Variants in THADA observed in about 807,000 individuals in gnomAD.
The protein encoded by THADA is tRNA (32-2'-O)-methyltransferase regulator THADA.
A neutral mutation model predicts 219.8 loss-of-function variants in THADA; 213 were observed. The ratio of observed to expected loss-of-function variants is 0.97; its 90% CI spans 0.87 to 1.09. The LOEUF is 1.09. Ranked by LOEUF, THADA falls within the 50% of genes least tolerant of loss-of-function variation. The pLI is 0.00. For missense variants in THADA, 2,956 were observed against 2,311.3 expected (o/e 1.28, Z -5.72); for synonymous variants, 1,018 against 828.9 (o/e 1.23, Z -3.92).
intron 20 of THADA, among the ~76,000 whole-genome samples, chr2:43,543,670 CTTCTT>C (rs1389469924): frequency 3.9e-4 from 60 of 152,302 alleles, no homozygotes; most frequent in Non-Finnish European, 6.3e-4. Context: ...GCATAAATGT[CTTCTT>C]TTGAGAAGTT....
chr2:43,426,876 G>A (rs191063274), intron 28 of THADA, among the ~76,000 whole-genome samples: 45 of 152,250 alleles, frequency 3.0e-4, no homozygotes, highest in South Asian at 2.1e-4. Flanking sequence ...AAGCAGAAAG[G>A]TAATAGCTAA....
chr2:43,553,476 C>T (rs748033290), intron 17 of THADA, among the ~76,000 whole-genome samples: 1 of 152,152 alleles, frequency 6.6e-6, no homozygotes, highest in Non-Finnish European at 1.5e-5. Flanking sequence ...GAGCACACAG[C>T]AACATGGCCA....
At chr2:43,424,132 C>T (rs1678102778) in intron 28 of THADA, among the ~76,000 whole-genome samples, 1 of 152,018 alleles carries the variant, frequency 6.6e-6, no homozygotes, top group Non-Finnish European at 1.5e-5. Context: ...GAGGATGCAA[C>T]AATCATAATG....
chr2:43,524,321 A>G (rs531858817), intron 22 of THADA, among the ~76,000 whole-genome samples: 1 of 152,350 alleles, frequency 6.6e-6, no homozygotes, highest in South Asian at 2.1e-4. Flanking sequence ...TAGTGAAGTC[A>G]GTTTATATTT....
At chr2:43,587,366 A>G (rs1264693665) in intron 4 of THADA, among the ~76,000 whole-genome samples, 1 of 152,200 alleles carries the variant, frequency 6.6e-6, no homozygotes, top group Non-Finnish European at 1.5e-5. Flanking sequence ...TGGCACTACC[A>G]TTAGCTCCTG....
chr2:43,400,457 T>TTATTTATATATA (rs1674667965), intron 28 of THADA, among the ~76,000 whole-genome samples: 1 of 89,904 alleles, frequency 1.1e-5, no homozygotes, highest in Non-Finnish European at 2.7e-5. Flanking sequence ...ATAGACAAAT[T>TTATTTATATATA]TATATATATA....
chr2:43,367,053 G>A (rs1442955007), intron 29 of THADA, among the ~76,000 whole-genome samples: 1 of 152,166 alleles, frequency 6.6e-6, no homozygotes, highest in Admixed American at 6.5e-5. Flanking sequence ...TGAACCTTGA[G>A]ACATAATACA....
chr2:43,364,143 G>C, intron 29 of THADA, among the ~76,000 whole-genome samples: 1 of 152,160 alleles, frequency 6.6e-6, no homozygotes, highest in South Asian at 2.1e-4. Flanking sequence ...AGGATGGCTC[G>C]AGCTGGGGAG....
chr2:43,275,031 G>C (rs1412027881), intron 36 of THADA, among the ~76,000 whole-genome samples: 1 of 122,914 alleles, frequency 8.1e-6, no homozygotes, highest in Non-Finnish European at 1.6e-5. Context: ...GTCTCACTCT[G>C]TTGCCTAGGC....
intron 21 of THADA, chr2:43,538,335 C>G (rs1236515571): frequency 6.6e-6 from 1 of 152,178 alleles, no homozygotes; most frequent in Non-Finnish European, 1.5e-5. Flanking sequence ...ACTTACATCC[C>G]TCAAAGTTGG....
At chr2:43,264,111 T>C (rs1671255920) in intron 36 of THADA, among the ~76,000 whole-genome samples, 2 of 152,062 alleles carry the variant, frequency 1.3e-5, no homozygotes. Context: ...GCTGGCTATG[T>C]CACGGGGCAC....
At chr2:43,486,312 C>T (rs1003028383) in intron 25 of THADA, 1 of 152,120 alleles carries the variant, frequency 6.6e-6, no homozygotes, top group African/African-American at 2.4e-5. Flanking sequence ...AATCTTTTCC[C>T]TATCTTTTCC....
intron 28 of THADA, among the ~76,000 whole-genome samples, chr2:43,408,805 C>T (rs1165686430): frequency 6.6e-6 from 1 of 152,062 alleles, no homozygotes; most frequent in Non-Finnish European, 1.5e-5. Flanking sequence ...TCATTATGAC[C>T]TCTCTTGTTC....
At chr2:43,535,240 G>C (rs112461685) in intron 21 of THADA, among the ~76,000 whole-genome samples, 1 of 122,260 alleles carries the variant, frequency 8.2e-6, no homozygotes, top group African/African-American at 3.2e-5. Flanking sequence ...CATTAATCCT[G>C]TCAGATGAAT....
At chr2:43,330,643 T>TAA (rs1167217451) in intron 30 of THADA, among the ~76,000 whole-genome samples, 4 of 152,162 alleles carry the variant, frequency 2.6e-5, no homozygotes, top group African/African-American at 9.7e-5. Context: ...GAGAACAAAC[T>TAA]TATTTACATA....
intron 29 of THADA, 129 bp from the exon 30 acceptor site, chr2:43,344,366 G>C (rs868215645): frequency 3.2e-6 from 2 of 624,416 alleles, no homozygotes; most frequent in Admixed American, 6.0e-5. Flanking sequence ...TGTAGCTCTG[G>C]TCTCTTTGCA....
chr2:43,572,857 G>A lies in THADA; in HGVS notation c.1865C>T (p.Ser622Phe), dbSNP rs1445130599. 1 of 1,613,856 alleles carries A rather than the reference G, an allele frequency of 6.2e-7. No individual in the cohort carries two copies. The change falls in exon 12 of 38, where the codon TCT (serine) becomes TTT (phenylalanine). Residue 622 changes from serine to phenylalanine, a missense_variant. By Grantham distance (155) the Ser-to-Phe change is radical (BLOSUM62 -2). Transcript: ENST00000405975. ...SATDTWENLV[S>F]DARIKQGLIH... is the part of the protein sequence containing the mutation. ...TAAGCCTTGCTTTATTCTTGCATCA[G>A]ACACGAGGTTCTCCCAGGTATCAGT...
chr2:43,230,996 A>T lies in THADA; in HGVS notation c.5814T>A (p.Tyr1938Ter). ...DTLVLSVWDSYAESRQLTLPR... is the reference protein window; with the variant it reads ...DTLVLSVWDS Reference sequence around the variant, plus strand: ...GAAGAGTTAACTGCCTCGATTCTGCATAAGAGTCCCAAACACTGAGAACTA... The same window carrying T: ...GAAGAGTTAACTGCCTCGATTCTGCTTAAGAGTCCCAAACACTGAGAACTA... The change falls in exon 38 of 38, where the codon TAT becomes TAA. Residue 1938 changes from tyrosine to a stop codon, truncating the protein, a stop_gained. Coordinates refer to ENST00000405975, the MANE Select transcript of THADA (RefSeq NM_022065.5). LOFTEE classifies it high-confidence loss of function. 1 of 1,613,886 alleles carries T rather than the reference A, an allele frequency of 6.2e-7. No homozygotes were observed.
intron 37 of THADA, 114 bp from the exon 38 acceptor site, chr2:43,231,457 C>T: frequency 9.0e-7 from 1 of 1,105,488 alleles, no homozygotes; most frequent in Non-Finnish European, 1.2e-6. Context: ...CCCCACCTGA[C>T]AGAGGGTGCA....
Sources: allele counts gnomAD v4.1 joint callset (sites outside exome capture counted in the v4.1 genomes callset), GRCh38; gene constraint gnomAD v4.1.1; transcripts MANE v1.5; gene names NCBI Gene and HGNC (gene_info 2026-07-23, HGNC 2026-07-21).